UBR4: variants seen among roughly 807,000 people sequenced by gnomAD.
UBR4 encodes E3 ubiquitin-protein ligase UBR4.
A neutral mutation model predicts 575.6 loss-of-function variants in UBR4; 124 were observed. The observed-to-expected ratio is 0.22, with a 90% CI of 0.19 to 0.25. The LOEUF (loss-of-function observed/expected upper bound fraction) is 0.25, where lower values mean the gene tolerates loss of function less well. UBR4 is among the 10% of genes least tolerant of loss of function. UBR4 has a pLI of 1.00. For synonymous variants in UBR4, 2,455 were observed against 2,473.7 expected, an observed-to-expected ratio of 0.99 and a Z score of 0.22; for missense variants, 4,818 against 6,478.8, an observed-to-expected ratio of 0.74 and a Z score of 8.80.
At chr1:19,105,693 C>T in intron 84 of UBR4, 40 bp downstream of exon 84, 3 of 1,465,160 alleles carry the variant, frequency 2.0e-6, no homozygotes, top group Non-Finnish European at 2.7e-6. Flanking sequence ...GGCTCTAGAG[C>T]AAGTCTAACC....
chr1:19,160,303 C>T (rs575241884), intron 38 of UBR4, 22 bp from the exon 39 acceptor site: 4 of 1,454,378 alleles, frequency 2.8e-6, no homozygotes, highest in Admixed American at 2.3e-5. Flanking sequence ...AGAAAAAATA[C>T]ACCAGTGAAA....
intron 99 of UBR4, 41 bp from the exon 100 acceptor site, chr1:19,086,862 C>A: frequency 6.2e-7 from 1 of 1,608,406 alleles, no homozygotes; most frequent in Non-Finnish European, 8.5e-7. Flanking sequence ...GGAGAAACTC[C>A]AAGTCAGGCT....
At chr1:19,168,231 G>A (rs2088846429) in intron 27 of UBR4, 47 bp from the exon 28 acceptor site, 13 of 1,464,840 alleles carry the variant, frequency 8.9e-6, no homozygotes, top group Non-Finnish European at 1.2e-5. Flanking sequence ...ATCTACCCTG[G>A]AAAAAATTCT....
chr1:19,097,855 T>C (rs572044906), intron 90 of UBR4, among the ~76,000 whole-genome samples: 3 of 152,234 alleles, frequency 2.0e-5, no homozygotes, highest in South Asian at 2.1e-4. Context: ...TATATAACCA[T>C]ACAAGGAGGG....
chr1:19,107,777 C>G (rs138657106), intron 81 of UBR4, among the ~76,000 whole-genome samples: 3 of 151,318 alleles, frequency 2.0e-5, no homozygotes, highest in Non-Finnish European at 4.4e-5. Flanking sequence ...AGAATGGGAC[C>G]CTGTCTCAAA....
intron 73 of UBR4, 140 bp from the exon 74 acceptor site, chr1:19,115,777 A>T (rs1001479094): frequency 7.4e-7 from 1 of 1,347,504 alleles, no homozygotes; most frequent in Non-Finnish European, 1.0e-6. Context: ...TCTGGCATAT[A>T]ATAGGAAGCC....
At position 19,160,264 on chromosome 1, in the gene UBR4, A is replaced by G. The variant is rs1258945562; in HGVS notation, c.5424T>C (p.Ala1808=). ...ELQNQANFSF[A]PLVLDMLNFL... ...AATTAAGCATGTCTAACACGAGAGG[A>G]GCGAAGGAGAAATTGGCCTGAGAAA... The change falls in exon 39 of 106, where the codon GCT becomes GCC. Residue 1808 remains alanine, a synonymous_variant. Coordinates refer to ENST00000375254, the MANE Select transcript of UBR4 (RefSeq NM_020765.3). 2.5e-6 allele frequency: 4 copies of G among 1,609,208 alleles called. No homozygotes were observed. The highest frequency in any genetic ancestry group is 2.7e-5 in the African/African-American group (2 of 74,514).
chr1:19,201,715 T>C lies in UBR4; in HGVS notation c.274+3A>G, dbSNP rs61759879. The C allele has an allele frequency of 3.1e-3, 4,938 of 1,612,626 alleles. 11 individuals are homozygous for C. The highest frequency in any genetic ancestry group is 3.8e-3 in the Non-Finnish European group (4,502 of 1,178,792). On this transcript the variant is annotated splice_donor_region_variant and intron_variant, in intron 2 of 105. Transcript: ENST00000375254. ...AAGGGAAGGACAAGAGTGGAATACT[T>C]ACTGAGACTGCAAACTGTTGTAATA...
intron 15 of UBR4, 35 bp from the exon 16 acceptor site, chr1:19,184,210 G>C (rs760282177): frequency 1.2e-6 from 2 of 1,600,846 alleles, no homozygotes; most frequent in African/African-American, 1.3e-5. Context: ...CTCTTATCAG[G>C]GTCATAAGCC....
intron 60 of UBR4, among the ~76,000 whole-genome samples, chr1:19,137,385 G>A (rs2083316921): frequency 6.6e-6 from 1 of 151,760 alleles, no homozygotes; most frequent in African/African-American, 2.4e-5. Flanking sequence ...ATTGTATCAT[G>A]AGTCTTATTT....
chr1:19,117,717 C>A lies in UBR4; in HGVS notation c.10629+106G>T, dbSNP rs2080706796. On this transcript the variant is annotated intron_variant, in intron 72 of 105. Transcript: ENST00000375254. The surrounding 1 kb of genome is among the most constrained non-coding windows in gnomAD (Gnocchi z 4.0). The stretch of plus-strand genomic sequence containing the variant: ...GATAAAAATTCCTACTATCGGTGAC[C>A]AACCATTAGGAGAGGAACATCTATG... 2 of 1,169,422 alleles carry A rather than the reference C, an allele frequency of 1.7e-6. No individual in the cohort carries two copies. Among genetic ancestry groups the A allele is most frequent in the South Asian group, 1.4e-5 (1 of 73,702 alleles). 72.4% of individuals were successfully genotyped at this position (1,169,422 alleles called of 1,614,324 possible). A position where few individuals can be genotyped will look rare whatever the true frequency, so the allele number is the denominator to read the frequency against.
intron 43 of UBR4, 33 bp downstream of exon 43, chr1:19,155,408 G>C: frequency 6.3e-7 from 1 of 1,579,394 alleles, no homozygotes; most frequent in Non-Finnish European, 8.6e-7. Context: ...AATTAAATCC[G>C]GAATAGAAGG....
intron 25 of UBR4, among the ~76,000 whole-genome samples, chr1:19,171,213 CAAAACA>C (rs1443098805): frequency 4.9e-5 from 4 of 81,586 alleles, no homozygotes; most frequent in Non-Finnish European, 9.4e-5. Flanking sequence ...TAAAACAAAA[CAAAACA>C]AAAAAAACTG....
In UBR4 at chr1:19,094,067, G is replaced by C; in HGVS notation, c.13819C>G (p.Arg4607Gly). 6.2e-7 allele frequency: 1 copy of C among 1,614,066 alleles called. No individual in the cohort carries two copies. Among genetic ancestry groups the C allele is most frequent in the Non-Finnish European group, 8.5e-7 (1 of 1,179,984 alleles). The change falls in exon 95 of 106, where the codon CGC becomes GGC. Residue 4607 changes from arginine (R) to glycine (G), a missense_variant. Physicochemically the swap from Arg to Gly is moderately radical, Grantham distance 125. Coordinates refer to ENST00000375254, the MANE Select transcript of UBR4 (RefSeq NM_020765.3). ...CCCTGGAGCACACTGGGGTTGGAGCGAACAAAGGTGCTGTTGATCTGGTCC... is the reference window on the plus strand; with the variant it reads ...CCCTGGAGCACACTGGGGTTGGAGCCAACAAAGGTGCTGTTGATCTGGTCC... ...LLDQINSTFV[R>G]SNPSVLQGLL...
chr1:19,128,915 G>A, intron 61 of UBR4, 63 bp downstream of exon 61: 1 of 1,450,056 alleles, frequency 6.9e-7, no homozygotes, highest in Non-Finnish European at 9.7e-7. Context: ...GAAGAGAGAT[G>A]TGGGCATGCT....
intron 65 of UBR4, among the ~76,000 whole-genome samples, chr1:19,124,250 A>C (rs2081490493): frequency 6.6e-6 from 1 of 152,252 alleles, no homozygotes; most frequent in African/African-American, 2.4e-5. Context: ...TAAGATAACT[A>C]GTATACTTTG....
chr1:19,168,431 A>G (rs2088882537), intron 27 of UBR4, among the ~76,000 whole-genome samples: 1 of 152,086 alleles, frequency 6.6e-6, no homozygotes, highest in South Asian at 2.1e-4. Context: ...TCAAATGATT[A>G]GAGTATAATA....
chr1:19,158,575 A>C (rs563725904), intron 39 of UBR4, among the ~76,000 whole-genome samples: 6 of 152,000 alleles, frequency 3.9e-5, no homozygotes, highest in Non-Finnish European at 7.4e-5. Flanking sequence ...CTCCTGCCTC[A>C]GCCTCCCAGG....
At chr1:19,199,784 C>T (rs2092655708) in intron 2 of UBR4, 30 bp from the exon 3 acceptor site, 2 of 1,587,960 alleles carry the variant, frequency 1.3e-6, no homozygotes, top group Admixed American at 1.7e-5. Flanking sequence ...TACTCAATTT[C>T]AGACTGCTCA....
Sources: allele counts gnomAD v4.1 joint callset (sites outside exome capture counted in the v4.1 genomes callset), GRCh38; gene constraint gnomAD v4.1.1; non-coding constraint Gnocchi (gnomAD v3.1); transcripts MANE v1.5; gene names NCBI Gene and HGNC (gene_info 2026-07-23, HGNC 2026-07-21).